The following TMTC2 variants were observed in gnomAD, a reference collection of about 807,000 sequenced individuals.
TMTC2 encodes the protein transmembrane O-mannosyltransferase targeting cadherins 2.
TMTC2 carries 43 observed loss-of-function variants against 82.4 expected under a neutral mutation model. The ratio of observed to expected loss-of-function variants is 0.52; its 90% CI spans 0.41 to 0.67. TMTC2 has a LOEUF of 0.67. Ranked by LOEUF, TMTC2 falls within the 30% of genes least tolerant of loss-of-function variation. TMTC2 has a pLI of 0.00. For synonymous variants in TMTC2, 408 were observed against 381.9 expected, an observed-to-expected ratio of 1.07 and a Z score of -0.80; for missense variants, 919 against 1,012.4, an observed-to-expected ratio of 0.91 and a Z score of 1.25.
chr12:83,018,171 C>T (rs928189731), intron 8 of TMTC2, among the ~76,000 whole-genome samples: 1 of 152,060 alleles, frequency 6.6e-6, no homozygotes, highest in South Asian at 2.1e-4. Flanking sequence ...ACTGTGGTTG[C>T]CTTCCCATCA....
intron 1 of TMTC2, among the ~76,000 whole-genome samples, chr12:82,768,355 G>T (rs1446246622): frequency 2.0e-5 from 3 of 152,184 alleles, no homozygotes; most frequent in African/African-American, 7.2e-5. Flanking sequence ...TTATACTTCA[G>T]CATTTGACAG....
chr12:83,012,828 A>G (rs1175598680), intron 8 of TMTC2, among the ~76,000 whole-genome samples: 4 of 152,166 alleles, frequency 2.6e-5, no homozygotes, highest in Non-Finnish European at 4.4e-5. Context: ...GTATAACAGA[A>G]TACAGATAAT....
At chr12:82,878,108 T>C (rs1872670291) in intron 2 of TMTC2, among the ~76,000 whole-genome samples, 1 of 152,196 alleles carries the variant, frequency 6.6e-6, no homozygotes, top group African/African-American at 2.4e-5. Flanking sequence ...ATTCAGTCAT[T>C]TGCTCAATCA....
At chr12:83,043,980 T>C (rs1458274151) in intron 9 of TMTC2, among the ~76,000 whole-genome samples, 2 of 152,212 alleles carry the variant, frequency 1.3e-5, no homozygotes, top group African/African-American at 4.8e-5. Flanking sequence ...TTTTGTGTTT[T>C]CCAAGGGAAA....
At position 82,687,405 on chromosome 12, in the gene TMTC2, G is replaced by C; in HGVS notation, c.-182G>C. On this transcript the variant is annotated 5_prime_UTR_variant, in exon 1 of 12. Transcript: ENST00000321196. Reference sequence around the variant, plus strand: ...GGGAGGACGCAGGAGCTGCGGAGACGGGCGCGAGGAGGAGGAGAGGAGTCG... The same window carrying C: ...GGGAGGACGCAGGAGCTGCGGAGACCGGCGCGAGGAGGAGGAGAGGAGTCG... 1 of 617,468 alleles carries C rather than the reference G, an allele frequency of 1.6e-6. No homozygotes were observed. Among genetic ancestry groups the C allele is most frequent in the Non-Finnish European group, 2.9e-6 (1 of 350,686 alleles). 38.2% of individuals were successfully genotyped at this position (617,468 alleles called of 1,614,324 possible).
intron 4 of TMTC2, among the ~76,000 whole-genome samples, chr12:82,959,026 A>G (rs1350879430): frequency 2.0e-5 from 3 of 152,164 alleles, no homozygotes; most frequent in Non-Finnish European, 2.9e-5. Flanking sequence ...ATTTCTGTAC[A>G]TGAATAATAT....
At chr12:83,079,959 G>C (rs1883408003) in intron 11 of TMTC2, among the ~76,000 whole-genome samples, 1 of 152,116 alleles carries the variant, frequency 6.6e-6, no homozygotes, top group Non-Finnish European at 1.5e-5. Flanking sequence ...CTTGAGGATG[G>C]AATTATTTTG....
chr12:82,987,883 G>C (rs1879228019), intron 8 of TMTC2, among the ~76,000 whole-genome samples: 1 of 152,218 alleles, frequency 6.6e-6, no homozygotes, highest in Admixed American at 6.5e-5. Flanking sequence ...AGTGAACAAA[G>C]TATCTGCTGG....
chr12:82,762,484 C>T (rs145842067), intron 1 of TMTC2, among the ~76,000 whole-genome samples: 75 of 152,254 alleles, frequency 4.9e-4, no homozygotes, highest in African/African-American at 1.6e-3. Flanking sequence ...ATGCCGTGGC[C>T]GCTTAACCTC....
intron 1 of TMTC2, among the ~76,000 whole-genome samples, chr12:82,717,871 T>A (rs1404168684): frequency 1.3e-5 from 2 of 152,184 alleles, no homozygotes; most frequent in African/African-American, 4.8e-5. Context: ...GTAGCCTAAT[T>A]TCCTGTAATC....
At position 82,896,314 on chromosome 12, in the gene TMTC2, G is replaced by A. The variant is rs1373390907; in HGVS notation, c.1151G>A (p.Arg384Lys). Residue 384 changes from arginine (R) to lysine (K), a missense_variant, in exon 3 of 12, where the codon AGA (arginine) becomes AAA (lysine). By Grantham distance (26) the Arg-to-Lys change is conservative. Transcript: ENST00000321196. ...GGCATTAAAAACGATGTATCACAGAGAACCCAGCTTCCTTCTACGGAGAAC... is the reference window on the plus strand; with the variant it reads ...GGCATTAAAAACGATGTATCACAGAAAACCCAGCTTCCTTCTACGGAGAAC... Reference protein sequence around the residue: ...ENGIKNDVSQRTQLPSTENIV... With the variant: ...ENGIKNDVSQKTQLPSTENIV... 6.2e-7 allele frequency: 1 copy of A among 1,614,176 alleles called. No individual in the cohort carries two copies. The highest frequency in any genetic ancestry group is 8.5e-7 in the Non-Finnish European group (1 of 1,180,040).
chr12:82,709,785 G>T (rs1565716953), intron 1 of TMTC2, among the ~76,000 whole-genome samples: 1 of 152,162 alleles, frequency 6.6e-6, no homozygotes. Flanking sequence ...TTTGGGGAAA[G>T]TTCAATCCTA....
intron 4 of TMTC2, among the ~76,000 whole-genome samples, chr12:82,935,212 C>T (rs1173940628): frequency 6.6e-6 from 1 of 152,086 alleles, no homozygotes; most frequent in Non-Finnish European, 1.5e-5. Context: ...AATTCTAAAT[C>T]TATTAATTAT....
At chr12:83,122,000 A>G (rs1464663679) in intron 11 of TMTC2, among the ~76,000 whole-genome samples, 2 of 151,940 alleles carry the variant, frequency 1.3e-5, no homozygotes, top group East Asian at 3.9e-4. Flanking sequence ...GACTCCCACC[A>G]TGCCCCCACC....
intron 4 of TMTC2, among the ~76,000 whole-genome samples, chr12:82,964,686 T>C (rs991293469): frequency 2.6e-5 from 4 of 152,072 alleles, no homozygotes; most frequent in Admixed American, 2.6e-4. Flanking sequence ...TCCGAAGTGA[T>C]GGGAAAATGT....
intron 3 of TMTC2, among the ~76,000 whole-genome samples, chr12:82,917,277 C>G (rs890055326): frequency 6.6e-6 from 1 of 151,728 alleles, no homozygotes; most frequent in Non-Finnish European, 1.5e-5. Context: ...CTTTTTTTCT[C>G]TCTCCATTGA....
At position 82,963,792 on chromosome 12, in the gene TMTC2, CATATATATATATATATATATAT is replaced by C. The variant is rs58960088; in HGVS notation, c.1599-1195_1599-1174del. The stretch of plus-strand genomic sequence containing the variant: ...TCAGATTAACTGTTGTCCAGATTTT[CATATATATATATATATATATAT>C]ATATATATATATATATATATATATA... On this transcript the variant is annotated intron_variant, in intron 4 of 11. Transcript: ENST00000321196. Among the ~76,000 whole-genome samples the C allele has an allele frequency of 5.8e-3, 309 of 53,050 alleles. 22 individuals carry two copies. The highest frequency in any genetic ancestry group is 0.01 in the African/African-American group (218 of 21,496). 34.8% of individuals were successfully genotyped at this position (53,050 alleles called of 152,430 possible).
At chr12:82,957,234 C>T (rs546944544) in intron 4 of TMTC2, among the ~76,000 whole-genome samples, 2 of 152,270 alleles carry the variant, frequency 1.3e-5, no homozygotes, top group East Asian at 3.9e-4. Context: ...TAGGAGATCT[C>T]TCAAAACCAC....
chr12:83,079,547 G>C (rs1396173933), intron 11 of TMTC2, among the ~76,000 whole-genome samples: 1 of 152,024 alleles, frequency 6.6e-6, no homozygotes, highest in Non-Finnish European at 1.5e-5. Flanking sequence ...TTCTACAACT[G>C]TTTGCTTTTA....
Sources: allele counts gnomAD v4.1 joint callset (sites outside exome capture counted in the v4.1 genomes callset), GRCh38; gene constraint gnomAD v4.1.1; transcripts MANE v1.5; gene names NCBI Gene and HGNC (gene_info 2026-07-23, HGNC 2026-07-21).